Variants in GUCY1B1 observed in about 807,000 individuals in gnomAD.
The protein encoded by GUCY1B1 is guanylate cyclase soluble subunit beta-1.
A neutral mutation model predicts 71.0 loss-of-function variants in GUCY1B1; 43 were observed. The ratio of observed to expected loss-of-function variants is 0.61; its 90% CI spans 0.47 to 0.78. The LOEUF is 0.78. GUCY1B1 is among the 30% of genes least tolerant of loss of function. GUCY1B1 has a pLI of 0.00. For synonymous variants in GUCY1B1, 266 were observed against 259.7 expected, an observed-to-expected ratio of 1.02 and a Z score of -0.23; for missense variants, 535 against 754.1, an observed-to-expected ratio of 0.71 and a Z score of 3.40.
intron 4 of GUCY1B1, among the ~76,000 whole-genome samples, chr4:155,783,115 G>A (rs1444772697): frequency 6.6e-6 from 1 of 152,144 alleles, no homozygotes; most frequent in African/African-American, 2.4e-5. Context: ...ACTACTCTGT[G>A]CATTATTTTT....
chr4:155,777,974 A>G (rs1411708757), intron 4 of GUCY1B1, among the ~76,000 whole-genome samples: 2 of 152,048 alleles, frequency 1.3e-5, no homozygotes, highest in African/African-American at 4.8e-5. Flanking sequence ...TTGTGGTTTT[A>G]TGTGTTAGAC....
intron 8 of GUCY1B1, among the ~76,000 whole-genome samples, chr4:155,797,242 G>C (rs996327081): frequency 5.9e-5 from 9 of 152,122 alleles, no homozygotes; most frequent in Non-Finnish European, 8.8e-5. Flanking sequence ...CAAAGTGTAG[G>C]TGCATTATGT....
chr4:155,793,421 ACATTGCATTTATTTT>A (rs1561025009), intron 5 of GUCY1B1, among the ~76,000 whole-genome samples: 1 of 152,232 alleles, frequency 6.6e-6, no homozygotes, highest in African/African-American at 2.4e-5. Flanking sequence ...GTTAAAAATG[ACATTGCATTTATTTT>A]TGAATATGAA....
chr4:155,789,914 A>G lies in GUCY1B1; in HGVS notation c.495+3A>G. 3 of 1,586,780 alleles carry G rather than the reference A, an allele frequency of 1.9e-6. No homozygotes were observed. The highest frequency in any genetic ancestry group is 2.6e-6 in the Non-Finnish European group (3 of 1,158,668). On this transcript the variant is annotated splice_donor_region_variant and intron_variant, in intron 5 of 13. Transcript: ENST00000264424. Reference sequence around the variant, plus strand: ...ATGGCACTGAAATAGACATGAAGGTAACAAACAGCAATGGAGACTTCTGAA... The same window carrying G: ...ATGGCACTGAAATAGACATGAAGGTGACAAACAGCAATGGAGACTTCTGAA...
At chr4:155,764,036 A>G (rs1560999028) in intron 2 of GUCY1B1, among the ~76,000 whole-genome samples, 1 of 152,086 alleles carries the variant, frequency 6.6e-6, no homozygotes, top group East Asian at 1.9e-4. Flanking sequence ...TAGGATAAGT[A>G]ATCATCATCA....
chr4:155,795,551 T>C (rs1264934869), intron 7 of GUCY1B1, 94 bp downstream of exon 7: 2 of 630,486 alleles, frequency 3.2e-6, no homozygotes, highest in Non-Finnish European at 5.5e-6. Flanking sequence ...TGAGAAAGTA[T>C]AGAGAGATAA....
intron 4 of GUCY1B1, among the ~76,000 whole-genome samples, chr4:155,784,737 G>A (rs1281589283): frequency 6.6e-6 from 1 of 152,110 alleles, no homozygotes; most frequent in Non-Finnish European, 1.5e-5. Flanking sequence ...AACGTTCAAG[G>A]CAAGGTCTTA....
intron 2 of GUCY1B1, among the ~76,000 whole-genome samples, chr4:155,764,855 G>A (rs1170629910): frequency 1.3e-5 from 2 of 152,196 alleles, no homozygotes; most frequent in Non-Finnish European, 2.9e-5. Flanking sequence ...CCTGGACCAT[G>A]TCTGTGAGCA....
chr4:155,807,175 T>C lies in GUCY1B1; in HGVS notation c.*766T>C, dbSNP rs1561039969. 3 of 152,206 alleles carry C rather than the reference T, an allele frequency of 2.0e-5. No homozygotes were observed. The highest frequency in any genetic ancestry group is 4.4e-5 in the Non-Finnish European group (3 of 68,036). The allele number at this position is 152,206 out of a possible 1,614,324, so 9.4% of individuals were successfully genotyped here. A position where few individuals can be genotyped will look rare whatever the true frequency, so the allele number is the denominator to read the frequency against. On this transcript the variant is annotated 3_prime_UTR_variant, in exon 14 of 14. Transcript: ENST00000264424. Reference sequence around the variant, plus strand: ...AGCTGTTACAGAAAGCTGCATTGTTTCACATTGAGCTGTTACATTAGTTCA... The same window carrying C: ...AGCTGTTACAGAAAGCTGCATTGTTCCACATTGAGCTGTTACATTAGTTCA...
intron 2 of GUCY1B1, among the ~76,000 whole-genome samples, chr4:155,764,036 A>AATC (rs1560999033): frequency 1.3e-5 from 2 of 152,086 alleles, no homozygotes; most frequent in Non-Finnish European, 2.9e-5. Context: ...TAGGATAAGT[A>AATC]ATCATCATCA....
chr4:155,790,766 T>G (rs891262693), intron 5 of GUCY1B1, among the ~76,000 whole-genome samples: 2 of 152,226 alleles, frequency 1.3e-5, no homozygotes, highest in Admixed American at 6.5e-5. Context: ...TGGAGTATTA[T>G]CCAAAATTAA....
chr4:155,785,168 T>C lies in GUCY1B1; in HGVS notation c.298-4546T>C, dbSNP rs925870242. On this transcript the variant is annotated intron_variant, in intron 4 of 13. Coordinates refer to ENST00000264424, the MANE Select transcript of GUCY1B1 (RefSeq NM_000857.5). ...ATATTAGAACATTAAGAAATGAAAT[T>C]ATTAAATTAAAACCTTTAGGTATCT... 5 of 530,404 alleles carry C rather than the reference T, an allele frequency of 9.4e-6. No homozygotes were observed. The African/African-American group carries it at 9.9e-5, about 11-fold the overall frequency. 32.9% of individuals were successfully genotyped at this position (530,404 alleles called of 1,614,324 possible).
intron 8 of GUCY1B1, among the ~76,000 whole-genome samples, chr4:155,799,076 G>A (rs1356473054): frequency 6.6e-6 from 1 of 152,134 alleles, no homozygotes; most frequent in Admixed American, 6.5e-5. Context: ...GCCTCAAGTG[G>A]TCTGCCCACC....
At chr4:155,790,612 T>C (rs1403498601) in intron 5 of GUCY1B1, among the ~76,000 whole-genome samples, 1 of 152,204 alleles carries the variant, frequency 6.6e-6, no homozygotes, top group Non-Finnish European at 1.5e-5. Flanking sequence ...GAGTCAATTC[T>C]CAGTAGCTTT....
intron 2 of GUCY1B1, among the ~76,000 whole-genome samples, chr4:155,764,850 A>G (rs1288212226): frequency 6.6e-6 from 1 of 152,170 alleles, no homozygotes; most frequent in Non-Finnish European, 1.5e-5. Flanking sequence ...CAGAACCTGG[A>G]CCATGTCTGT....
At chr4:155,761,620 C>T (rs1737003527) in intron 2 of GUCY1B1, among the ~76,000 whole-genome samples, 1 of 152,036 alleles carries the variant, frequency 6.6e-6, no homozygotes, top group Non-Finnish European at 1.5e-5. Context: ...TTAAAATTAT[C>T]CAGAGATTTG....
At chr4:155,795,888 GT>G (rs1018090125) in intron 7 of GUCY1B1, among the ~76,000 whole-genome samples, 1 of 152,106 alleles carries the variant, frequency 6.6e-6, no homozygotes, top group Admixed American at 6.6e-5. Context: ...TATTCACACA[GT>G]TGATAATTTA....
At chr4:155,805,386 G>A (rs1046787204) in intron 13 of GUCY1B1, among the ~76,000 whole-genome samples, 157 bp downstream of exon 13, 2 of 152,166 alleles carry the variant, frequency 1.3e-5, no homozygotes, top group East Asian at 3.8e-4. Context: ...ACATTAATGA[G>A]CCAATTACAA....
chr4:155,784,184 A>T (rs2111078373), intron 4 of GUCY1B1, among the ~76,000 whole-genome samples: 1 of 152,276 alleles, frequency 6.6e-6, no homozygotes, highest in South Asian at 2.1e-4. Context: ...AAATAATTTT[A>T]GTGACTCTGG....
Sources: gnomAD v4.1 joint callset for allele counts (sites outside exome capture counted in the v4.1 genomes callset) on GRCh38, gnomAD v4.1.1 for gene constraint, MANE v1.5 for transcripts, NCBI Gene and HGNC (gene_info 2026-07-23, HGNC 2026-07-21) for gene names.